The following JAKMIP1 variants were observed in gnomAD, a reference collection of about 807,000 sequenced individuals.
JAKMIP1 encodes the protein janus kinase and microtubule interacting protein 1, also known as janus kinase and microtubule-interacting protein 1.
A neutral mutation model predicts 113.0 loss-of-function variants in JAKMIP1; 33 were observed. The ratio of observed to expected loss-of-function variants is 0.29; its 90% CI spans 0.22 to 0.39. The LOEUF is 0.39. JAKMIP1 is among the 10% of genes least tolerant of loss of function. The pLI, the probability that JAKMIP1 is intolerant of heterozygous loss-of-function variation, is 1.00. For missense variants in JAKMIP1, 813 were observed against 1,080.5 expected (o/e 0.75, Z 3.47); for synonymous variants, 480 against 459.9 (o/e 1.04, Z -0.56).
At position 6,108,913 on chromosome 4, in the gene JAKMIP1, C is replaced by T. The variant is rs1305034912; in HGVS notation, c.130-2946G>A. Among the ~76,000 whole-genome samples the T allele has an allele frequency of 6.6e-6, 1 of 152,338 alleles. No homozygotes were observed. The highest frequency in any genetic ancestry group is 2.1e-4 in the South Asian group (1 of 4,824). On this transcript the variant is annotated intron_variant, in intron 2 of 20. Coordinates refer to ENST00000409021, the MANE Select transcript of JAKMIP1 (RefSeq NM_001099433.2). This position sits in a 1 kb window ranked among gnomAD's most constrained non-coding sequence, Gnocchi z 5.6. ...ATATATGGAAATATTTACAGGTATGCGTACATACGCAGGTCAGTATACACA... is the reference window on the plus strand; with the variant it reads ...ATATATGGAAATATTTACAGGTATGTGTACATACGCAGGTCAGTATACACA...
Position 6,158,896 on chromosome 4 carries a change from C to A in JAKMIP1, c.-148+41357G>T, listed in dbSNP as rs559974336. On this transcript the variant is annotated intron_variant, in intron 1 of 20. Coordinates refer to ENST00000409021, the MANE Select transcript of JAKMIP1 (RefSeq NM_001099433.2). This position sits in a 1 kb window ranked among gnomAD's most constrained non-coding sequence, Gnocchi z 5.3. ...TTGACCTCAGGAGTTCGAGACCAGC[C>A]TGACCAACATGGTGAAACCCCATCT... Among the ~76,000 whole-genome samples, 35 of 152,178 alleles carry A rather than the reference C, an allele frequency of 2.3e-4. No individual in the cohort carries two copies. The highest frequency in any genetic ancestry group is 2.6e-4 in the Admixed American group (4 of 15,276).
intron 8 of JAKMIP1, among the ~76,000 whole-genome samples, chr4:6,077,454 A>G (rs1430748027): frequency 2.0e-5 from 3 of 150,546 alleles, no homozygotes; most frequent in Non-Finnish European, 4.4e-5. Flanking sequence ...TCTGGCCTCT[A>G]GAACTGTAAG....
At chr4:6,095,108 AGGAAGGGAAAGAAAAGAAAGAG>A (rs1711526804) in intron 3 of JAKMIP1, among the ~76,000 whole-genome samples, 1 of 148,908 alleles carries the variant, frequency 6.7e-6, no homozygotes, top group African/African-American at 2.5e-5. Context: ...GGGGAGAGAG[AGGAAGGGAAAGAAAAGAAAGAG>A]GGAAATGAAA....
intron 19 of JAKMIP1, among the ~76,000 whole-genome samples, chr4:6,035,625 C>A (rs912584892): frequency 2.0e-5 from 3 of 152,214 alleles, no homozygotes; most frequent in Non-Finnish European, 2.9e-5. Flanking sequence ...CTGGAAACAG[C>A]GTGCAGATGC....
intron 1 of JAKMIP1, among the ~76,000 whole-genome samples, chr4:6,191,210 C>T (rs1338439057): frequency 6.6e-6 from 1 of 152,190 alleles, no homozygotes; most frequent in Non-Finnish European, 1.5e-5. Context: ...GTGAGTGAGA[C>T]CCCAGTGTGT....
At chr4:6,099,787 AC>A (rs563392294) in intron 3 of JAKMIP1, among the ~76,000 whole-genome samples, 16 of 152,196 alleles carry the variant, frequency 1.1e-4, no homozygotes, top group Middle Eastern at 3.4e-3. Flanking sequence ...GCTTCCTTTT[AC>A]CTAAAATGTC....
At position 6,069,626 on chromosome 4, in the gene JAKMIP1, G is replaced by C. The variant is rs564349519; in HGVS notation, c.1303-4618C>G. Among the ~76,000 whole-genome samples the C allele has an allele frequency of 6.6e-6, 1 of 152,038 alleles. No individual in the cohort carries two copies. The highest frequency in any genetic ancestry group is 1.5e-5 in the Non-Finnish European group (1 of 68,020). On this transcript the variant is annotated intron_variant, in intron 8 of 20. Coordinates refer to ENST00000409021, the MANE Select transcript of JAKMIP1 (RefSeq NM_001099433.2). The surrounding 1 kb of genome is among the most constrained non-coding windows in gnomAD (Gnocchi z 4.5). ...AAGTTAGCCGAGTATGGTGGCTGAC[G>C]CCTGTAGTCCCAGCTACTTGGGAGG... is the stretch of plus-strand genomic sequence containing the variant.
At chr4:6,082,125 G>C (rs1390335718) in intron 5 of JAKMIP1, among the ~76,000 whole-genome samples, 1 of 152,010 alleles carries the variant, frequency 6.6e-6, no homozygotes, top group African/African-American at 2.4e-5. Flanking sequence ...GCATTTTATA[G>C]ACAAAGAACC....
chr4:6,131,472 G>A (rs1483219631), intron 1 of JAKMIP1, among the ~76,000 whole-genome samples: 2 of 152,010 alleles, frequency 1.3e-5, no homozygotes, highest in South Asian at 2.1e-4. Flanking sequence ...GCTCATGCCT[G>A]TAATCCCAAT....
rs931420981 is a variant in JAKMIP1, at chr4:6,101,881, G to A, written c.624+3592C>T. 4.2e-5 allele frequency among the ~76,000 whole-genome samples: 6 copies of A among 143,438 alleles called. No individual in the cohort carries two copies. The South Asian group carries it at 7.0e-4, about 17-fold the overall frequency. The allele number at this position is 143,438 out of a possible 152,430, so 94.1% of individuals were successfully genotyped here. On this transcript the variant is annotated intron_variant, in intron 3 of 20. Transcript: ENST00000409021. ...AGATCATGCCACTGCACTCCAGCCT[G>A]AGCAACAGAGCAAGACTCAGTTAAA...
intron 1 of JAKMIP1, among the ~76,000 whole-genome samples, chr4:6,195,548 A>G (rs1246402234): frequency 6.6e-6 from 1 of 152,236 alleles, no homozygotes; most frequent in Non-Finnish European, 1.5e-5. Context: ...GGTAAAATTA[A>G]ATTAGAAGCT....
intron 1 of JAKMIP1, among the ~76,000 whole-genome samples, chr4:6,126,629 CAA>C (rs1366970662): frequency 1.4e-5 from 2 of 144,250 alleles, no homozygotes; most frequent in African/African-American, 2.5e-5. Context: ...CACACACACA[CAA>C]ACACACACCA....
chr4:6,097,948 T>C lies in JAKMIP1; in HGVS notation c.624+7525A>G, dbSNP rs531623971. 6.6e-6 allele frequency among the ~76,000 whole-genome samples: 1 copy of C among 152,302 alleles called. No individual in the cohort carries two copies. Among genetic ancestry groups the C allele is most frequent in the South Asian group, 2.1e-4 (1 of 4,824 alleles). On this transcript the variant is annotated intron_variant, in intron 3 of 20. Transcript: ENST00000409021. The surrounding 1 kb of genome is among the most constrained non-coding windows in gnomAD (Gnocchi z 4.3). ...AAGAATAATTAAAATGCAATGCCCTTTATGGCTCACTTACATTGTGGGACA... is the reference window on the plus strand; with the variant it reads ...AAGAATAATTAAAATGCAATGCCCTCTATGGCTCACTTACATTGTGGGACA...
chr4:6,085,287 C>G, intron 4 of JAKMIP1, 133 bp downstream of exon 4: 2 of 820,146 alleles, frequency 2.4e-6, no homozygotes, highest in Non-Finnish European at 3.7e-6. Flanking sequence ...CTTATAACAT[C>G]CCCTCCAATA....
rs1053363020 is a variant in JAKMIP1 at position 6,157,852 on chromosome 4, T to G, written c.-148+42401A>C. Reference sequence around the variant, plus strand: ...AACTTAAATTAGATGCCAACACAGCTAACAGATTGTTGTCTATTTCCTTTC... The same window carrying G: ...AACTTAAATTAGATGCCAACACAGCGAACAGATTGTTGTCTATTTCCTTTC... On this transcript the variant is annotated intron_variant, in intron 1 of 20. Transcript: ENST00000409021. The surrounding 1 kb of genome is among the most constrained non-coding windows in gnomAD (Gnocchi z 4.7). Among the ~76,000 whole-genome samples the G allele has an allele frequency of 2.0e-5, 3 of 152,252 alleles. No homozygotes were observed. Among genetic ancestry groups the G allele is most frequent in the Non-Finnish European group, 4.4e-5 (3 of 68,044 alleles).
Position 6,136,502 on chromosome 4 carries a change from A to AG in JAKMIP1, c.-147-23506dup, listed in dbSNP as rs1469016151. On this transcript the variant is annotated intron_variant, in intron 1 of 20. Transcript: ENST00000409021. This position sits in a 1 kb window ranked among gnomAD's most constrained non-coding sequence, Gnocchi z 5.9. Reference sequence around the variant, plus strand: ...CTATTTAATCTCTCAAGGTCCCAAGAGGGAGGCCTCGCTTCCCATATTTTG... The same window carrying AG: ...CTATTTAATCTCTCAAGGTCCCAAGAGGGGAGGCCTCGCTTCCCATATTTTG... 8.5e-5 allele frequency among the ~76,000 whole-genome samples: 13 copies of AG among 152,272 alleles called. 1 individual carries two copies. Among genetic ancestry groups the AG allele is most frequent in the African/African-American group, 3.1e-4 (13 of 41,568 alleles).
chr4:6,145,063 C>T (rs4455495), intron 1 of JAKMIP1, among the ~76,000 whole-genome samples: 147,848 of 152,358 alleles, frequency 0.97, 71,878 homozygotes, highest in East Asian at 1. Flanking sequence ...CAAAAATTAA[C>T]TGTATTCCTA....
At position 6,183,598 on chromosome 4, in the gene JAKMIP1, C is replaced by T. The variant is rs1398416009; in HGVS notation, c.-148+16655G>A. Among the ~76,000 whole-genome samples, 2 of 152,124 alleles carry T rather than the reference C, an allele frequency of 1.3e-5. No homozygotes were observed. The highest frequency in any genetic ancestry group is 2.9e-5 in the Non-Finnish European group (2 of 68,030). ...AACCACCTTCCATGGAGTCCTGGTG[C>T]TCCTTGAAGATGTTTGGGAGGGCCA... is the stretch of plus-strand genomic sequence containing the variant. On this transcript the variant is annotated intron_variant, in intron 1 of 20. Coordinates refer to ENST00000409021, the MANE Select transcript of JAKMIP1 (RefSeq NM_001099433.2). This position sits in a 1 kb window ranked among gnomAD's most constrained non-coding sequence, Gnocchi z 5.3.
chr4:6,141,360 C>A lies in JAKMIP1; in HGVS notation c.-147-28363G>T. 6.6e-6 allele frequency among the ~76,000 whole-genome samples: 1 copy of A among 152,184 alleles called. No individual in the cohort carries two copies. The highest frequency in any genetic ancestry group is 2.1e-4 in the South Asian group (1 of 4,820). ...CTGAGGCAGGAGAATTGCTTGAACCCGGCAGGCAGAAGTTGCAGTGAGCCG... is the reference window on the plus strand; with the variant it reads ...CTGAGGCAGGAGAATTGCTTGAACCAGGCAGGCAGAAGTTGCAGTGAGCCG... On this transcript the variant is annotated intron_variant, in intron 1 of 20. Coordinates refer to ENST00000409021, the MANE Select transcript of JAKMIP1 (RefSeq NM_001099433.2). The surrounding 1 kb of genome is among the most constrained non-coding windows in gnomAD (Gnocchi z 9.4).
Sources: gnomAD v4.1 joint callset for allele counts (sites outside exome capture counted in the v4.1 genomes callset) on GRCh38, gnomAD v4.1.1 for gene constraint, Gnocchi (gnomAD v3.1) non-coding constraint, MANE v1.5 for transcripts, NCBI Gene and HGNC (gene_info 2026-07-23, HGNC 2026-07-21) for gene names.